The following SLC14A2 variants were observed in gnomAD, a reference collection of about 807,000 sequenced individuals.
The protein encoded by SLC14A2 is urea transporter 2.
In SLC14A2, 91 loss-of-function variants were observed where a neutral mutation model predicts 104.6. The ratio of observed to expected loss-of-function variants is 0.87; its 90% CI spans 0.73 to 1.04. The LOEUF (loss-of-function observed/expected upper bound fraction) is 1.04, where lower values mean the gene tolerates loss of function less well. SLC14A2 is among the 50% of genes least tolerant of loss of function. The probability of loss-of-function intolerance (pLI) is 0.00; values close to 1 mark genes in which losing one functional copy is unlikely to be tolerated. For missense variants in SLC14A2, 1,189 were observed against 1,156.0 expected (o/e 1.03, Z -0.41); for synonymous variants, 476 against 466.4 (o/e 1.02, Z -0.27).
At chr18:45,601,867 T>C (rs887062720) in intron 2 of SLC14A2, among the ~76,000 whole-genome samples, 13 of 152,230 alleles carry the variant, frequency 8.5e-5, no homozygotes, top group African/African-American at 1.4e-4. Context: ...TTGGACAAGA[T>C]TGCAAGCATT....
chr18:45,510,743 G>C (rs1219483119), intron 2 of SLC14A2, among the ~76,000 whole-genome samples: 5 of 151,630 alleles, frequency 3.3e-5, no homozygotes, highest in Non-Finnish European at 1.5e-5. Context: ...GAGAGAACTT[G>C]TTTGGAGAGG....
intron 1 of SLC14A2, among the ~76,000 whole-genome samples, chr18:45,325,013 T>A (rs1478613245): frequency 1.3e-5 from 2 of 152,176 alleles, no homozygotes; most frequent in East Asian, 3.9e-4. Context: ...AGATGGGTGC[T>A]GTGCAGGGCT....
At chr18:45,182,067 T>C in the SLC14A2 span, among the ~76,000 whole-genome samples, 1 of 143,638 alleles carries the variant, frequency 7.0e-6, no homozygotes, top group Non-Finnish European at 1.6e-5. Flanking sequence ...TTTTTGTTTA[T>C]TAAGCAATAA....
chr18:45,648,195 C>CTTTTT (rs59843067), intron 10 of SLC14A2, among the ~76,000 whole-genome samples: 7 of 101,246 alleles, frequency 6.9e-5, no homozygotes, highest in Admixed American at 2.1e-4. Flanking sequence ...CTAGTTAATG[C>CTTTTT]TTTTTTTTTT....
At chr18:45,438,195 A>C (rs1046512349) in intron 1 of SLC14A2, 10 of 152,154 alleles carry the variant, frequency 6.6e-5, no homozygotes, top group African/African-American at 2.4e-4. Flanking sequence ...TGATTGATTA[A>C]ATTATTTTAA....
At chr18:45,255,987 T>C (rs1174244391) in intron 1 of SLC14A2, among the ~76,000 whole-genome samples, 1 of 152,132 alleles carries the variant, frequency 6.6e-6, no homozygotes, top group Admixed American at 6.6e-5. Context: ...ACTTCAGCCT[T>C]TCATAATTGG....
In SLC14A2 at chr18:45,235,912, CAT is replaced by C. The variant is rs765068954; in HGVS notation, c.-125+22726_-125+22727del. On this transcript the variant is annotated intron_variant, in intron 1 of 20. Coordinates refer to the SLC14A2 transcript ENST00000586448. Reference sequence around the variant, plus strand: ...ATATGTGTGTATGTATGTATATATACATATATGTGTGTATATATGTATATATA... The same window carrying C: ...ATATGTGTGTATGTATGTATATATACATATGTGTGTATATATGTATATATA... Among the ~76,000 whole-genome samples the C allele has an allele frequency of 1.5e-3, 123 of 80,812 alleles. 13 individuals are homozygous for C. The East Asian group carries it at 0.02, about 13-fold the overall frequency. The allele number at this position is 80,812 out of a possible 152,430, so 53.0% of individuals were successfully genotyped here.
At chr18:45,650,502 A>ACCTCATT (rs2045714909) in intron 10 of SLC14A2, among the ~76,000 whole-genome samples, 1 of 152,214 alleles carries the variant, frequency 6.6e-6, no homozygotes, top group East Asian at 1.9e-4. Context: ...TCATGGTCTA[A>ACCTCATT]CCTCATTCAC....
intron 1 of SLC14A2, among the ~76,000 whole-genome samples, chr18:45,462,361 G>A (rs1032317139): frequency 2.6e-5 from 4 of 152,176 alleles, no homozygotes; most frequent in African/African-American, 4.8e-5. Flanking sequence ...GAGAGTCCAC[G>A]GGCCAGAGAC....
intron 1 of SLC14A2, among the ~76,000 whole-genome samples, chr18:45,622,671 T>C (rs2045192935): frequency 6.6e-6 from 1 of 151,932 alleles, no homozygotes; most frequent in Non-Finnish European, 1.5e-5. Flanking sequence ...AAAGAGAGTG[T>C]GAAGGAGCAA....
At position 45,521,164 on chromosome 18, in the gene SLC14A2, G is replaced by A. The variant is rs79454050; in HGVS notation, c.-35+37842G>A. ...TAAGGGAATTTCTGAGAGCTTAGTTGAGGCTTTAACCTGATAGGGACTCAA... is the reference window on the plus strand; with the variant it reads ...TAAGGGAATTTCTGAGAGCTTAGTTAAGGCTTTAACCTGATAGGGACTCAA... On this transcript the variant is annotated intron_variant, in intron 2 of 20. Transcript: ENST00000586448. Among the ~76,000 whole-genome samples, 145 of 152,330 alleles carry A rather than the reference G, an allele frequency of 9.5e-4. 2 individuals are homozygous for A. The East Asian group carries it at 0.021, about 22-fold the overall frequency.
In SLC14A2 at chr18:45,228,907, C is replaced by T. The variant is rs150567242; in HGVS notation, c.-125+15716C>T. Among the ~76,000 whole-genome samples the T allele has an allele frequency of 3.1e-3, 477 of 152,292 alleles. 1 individual carries two copies. The highest frequency in any genetic ancestry group is 5.7e-3 in the Non-Finnish European group (388 of 68,030). On this transcript the variant is annotated intron_variant, in intron 1 of 20. Transcript: ENST00000586448. ...TGCCTCTCAAGCCCCTCTCCTTTAA[C>T]ATCTATACCTCTGTCATGTGATTAA...
chr18:45,498,446 C>T (rs1051151858), intron 2 of SLC14A2, among the ~76,000 whole-genome samples: 5 of 152,154 alleles, frequency 3.3e-5, no homozygotes, highest in Admixed American at 6.5e-5. Context: ...AGTTTTGTGC[C>T]CAGGGTGACA....
At chr18:45,485,164 A>G (rs1175398014) in intron 2 of SLC14A2, 1 of 152,200 alleles carries the variant, frequency 6.6e-6, no homozygotes, top group African/African-American at 2.4e-5. Flanking sequence ...CTGACCCTCA[A>G]GGAGACCAAG....
At chr18:45,202,421 A>G in the SLC14A2 span, among the ~76,000 whole-genome samples, 2 of 152,204 alleles carry the variant, frequency 1.3e-5, no homozygotes. Context: ...GTTCAAAGGA[A>G]ACAGTGAATA....
At chr18:45,341,808 A>G (rs1180371814) in intron 1 of SLC14A2, among the ~76,000 whole-genome samples, 1 of 151,778 alleles carries the variant, frequency 6.6e-6, no homozygotes, top group Non-Finnish European at 1.5e-5. Context: ...GACTGATCTC[A>G]AACTCCTGAC....
intron 2 of SLC14A2, among the ~76,000 whole-genome samples, chr18:45,582,534 C>T (rs1306481961): frequency 2.0e-5 from 3 of 152,096 alleles, no homozygotes; most frequent in Non-Finnish European, 2.9e-5. Context: ...TACCCCCACG[C>T]TTAAAAGTTA....
chr18:45,345,882 A>G (rs943389054), intron 1 of SLC14A2, among the ~76,000 whole-genome samples: 1 of 152,214 alleles, frequency 6.6e-6, no homozygotes, highest in African/African-American at 2.4e-5. Flanking sequence ...TTTACTAGGT[A>G]ATGCCAGCTG....
intron 1 of SLC14A2, among the ~76,000 whole-genome samples, chr18:45,405,915 A>AT (rs2086150382): frequency 6.7e-6 from 1 of 148,316 alleles, no homozygotes; most frequent in East Asian, 2.0e-4. Flanking sequence ...AAAAAAAAAA[A>AT]TGCTAACAGT....
Sources: allele counts gnomAD v4.1 joint callset (sites outside exome capture counted in the v4.1 genomes callset), GRCh38; gene constraint gnomAD v4.1.1; transcripts MANE v1.5; gene names NCBI Gene and HGNC (gene_info 2026-07-23, HGNC 2026-07-21).